Variants in GRID1 observed in about 807,000 individuals in gnomAD.
GRID1 encodes the protein glutamate ionotropic receptor delta type subunit 1, also known as glutamate receptor ionotropic, delta-1.
GRID1 carries 28 observed loss-of-function variants against 98.0 expected under a neutral mutation model. The ratio of observed to expected loss-of-function variants is 0.29; its 90% confidence interval spans 0.21 to 0.39. The LOEUF (loss-of-function observed/expected upper bound fraction) is 0.39. Among genes scored for constraint, GRID1 ranks in the 10% least tolerant of loss-of-function variants. GRID1 has a pLI of 1.00. For synonymous variants in GRID1, 553 were observed against 538.5 expected (o/e 1.03, Z -0.37); for missense variants, 1,111 against 1,340.5 (o/e 0.83, Z 2.67).
chr10:85,684,892 T>A (rs1379527790), intron 12 of GRID1, among the ~76,000 whole-genome samples: 1 of 152,188 alleles, frequency 6.6e-6, no homozygotes. Context: ...CTCTTTCTCT[T>A]CTTACAAGGC....
In GRID1 at chr10:85,973,822, T is replaced by C. The variant is rs1487934696; in HGVS notation, c.727-57583A>G. Among the ~76,000 whole-genome samples, 11 of 152,322 alleles carry C rather than the reference T, an allele frequency of 7.2e-5. No individual in the cohort carries two copies. In the East Asian group the frequency reaches 2.1e-3, roughly 29 times the overall value. The stretch of plus-strand genomic sequence containing the variant: ...TCATCTCTTATTTCTTTCAATGAAA[T>C]ATGGTAAAGAGCCAAAGAGCATGGG... On this transcript the variant is annotated intron_variant, in intron 4 of 15. Coordinates refer to ENST00000327946, the MANE Select transcript of GRID1 (RefSeq NM_017551.3).
At chr10:85,853,499 A>G (rs1438399046) in intron 8 of GRID1, among the ~76,000 whole-genome samples, 1 of 152,210 alleles carries the variant, frequency 6.6e-6, no homozygotes, top group African/African-American at 2.4e-5. Context: ...GCCTGAGTAC[A>G]TGCCAATCAG....
intron 2 of GRID1, among the ~76,000 whole-genome samples, chr10:86,354,623 ACAGATAATCAAT>A (rs1431709735): frequency 6.6e-6 from 1 of 152,218 alleles, no homozygotes; most frequent in Admixed American, 6.5e-5. Context: ...TCAAGACCAC[ACAGATAATCAAT>A]CAGATTTGGG....
At chr10:85,725,186 G>A (rs576135351) in intron 10 of GRID1, among the ~76,000 whole-genome samples, 2 of 152,276 alleles carry the variant, frequency 1.3e-5, no homozygotes, top group Admixed American at 1.3e-4. Flanking sequence ...GTTATATGGT[G>A]AGTTCTACAA....
intron 2 of GRID1, among the ~76,000 whole-genome samples, chr10:86,250,792 G>A (rs1391318721): frequency 6.6e-5 from 10 of 152,198 alleles, no homozygotes; most frequent in South Asian, 4.2e-4. Flanking sequence ...CCGCCACCCC[G>A]TCTGGGAGGT....
chr10:86,204,697 G>A (rs560748087), intron 3 of GRID1, among the ~76,000 whole-genome samples: 8 of 152,308 alleles, frequency 5.3e-5, no homozygotes, highest in Admixed American at 1.3e-4. Context: ...CATCAAGGTC[G>A]CCTCCCAGGC....
chr10:86,259,433 T>A (rs1332634072), intron 2 of GRID1, among the ~76,000 whole-genome samples: 1 of 152,240 alleles, frequency 6.6e-6, no homozygotes, highest in Non-Finnish European at 1.5e-5. Context: ...TACAGAAAGT[T>A]GAATGTCTCT....
At chr10:85,973,483 A>T (rs1317915127) in intron 4 of GRID1, among the ~76,000 whole-genome samples, 2 of 151,806 alleles carry the variant, frequency 1.3e-5, no homozygotes, top group African/African-American at 2.4e-5. Context: ...TGTATAAGGA[A>T]CTCTTTCAGA....
chr10:86,317,574 GGAA>G (rs1459354900), intron 2 of GRID1, among the ~76,000 whole-genome samples: 2 of 152,060 alleles, frequency 1.3e-5, no homozygotes, highest in East Asian at 1.9e-4. Context: ...TGGGATGGCA[GGAA>G]GAAGAAGAGG....
rs1042010794 is a variant in GRID1 at position 85,847,061 on chromosome 10, T to C, written c.1233+7435A>G. 4.3e-4 allele frequency among the ~76,000 whole-genome samples: 65 copies of C among 152,180 alleles called. 1 individual carries two copies. The highest frequency in any genetic ancestry group is 7.3e-5 in the Non-Finnish European group (5 of 68,036). Reference sequence around the variant, plus strand: ...TCTGAGAGAGAAATTCTGCCAATGTTACCTACGCATCTAGCAGGAAACCCT... The same window carrying C: ...TCTGAGAGAGAAATTCTGCCAATGTCACCTACGCATCTAGCAGGAAACCCT... On this transcript the variant is annotated intron_variant, in intron 8 of 15. Transcript: ENST00000327946.
At chr10:85,718,629 C>T (rs1359719429) in intron 12 of GRID1, among the ~76,000 whole-genome samples, 1 of 152,206 alleles carries the variant, frequency 6.6e-6, no homozygotes, top group Admixed American at 6.5e-5. Context: ...TCTGTGTTGG[C>T]CCCTTTCAGC....
chr10:85,780,598 C>T (rs1007229378), intron 8 of GRID1, among the ~76,000 whole-genome samples: 5 of 152,314 alleles, frequency 3.3e-5, no homozygotes, highest in South Asian at 2.1e-4. Context: ...CCGATGTTTT[C>T]GAAATGCCTG....
At chr10:85,860,741 C>T (rs758412815) in intron 6 of GRID1, among the ~76,000 whole-genome samples, 2 of 152,290 alleles carry the variant, frequency 1.3e-5, no homozygotes, top group African/African-American at 2.4e-5. Context: ...CACAGTAGTG[C>T]GTGGATACAG....
chr10:85,850,415 G>C (rs911532399), intron 8 of GRID1, among the ~76,000 whole-genome samples: 3 of 152,188 alleles, frequency 2.0e-5, no homozygotes, highest in African/African-American at 7.2e-5. Flanking sequence ...CTTATCAGAG[G>C]TGAAGTTCCA....
chr10:86,333,961 A>G (rs1164146475), intron 2 of GRID1, among the ~76,000 whole-genome samples: 1 of 152,174 alleles, frequency 6.6e-6, no homozygotes, highest in Admixed American at 6.5e-5. Flanking sequence ...AGCTGAATGA[A>G]TAAATGAATC....
At chr10:85,980,006 T>A (rs1842524696) in intron 4 of GRID1, among the ~76,000 whole-genome samples, 1 of 152,250 alleles carries the variant, frequency 6.6e-6, no homozygotes, top group South Asian at 2.1e-4. Flanking sequence ...AAGCAGTCAC[T>A]GCTTAGAAGC....
intron 4 of GRID1, among the ~76,000 whole-genome samples, chr10:85,928,942 G>T (rs75594923): frequency 1.1e-3 from 166 of 152,258 alleles, no homozygotes; most frequent in African/African-American, 3.7e-3. Context: ...ATGTGAAGAG[G>T]ACTCCAAACC....
At chr10:85,763,455 A>C (rs555512443) in intron 8 of GRID1, among the ~76,000 whole-genome samples, 7 of 152,138 alleles carry the variant, frequency 4.6e-5, no homozygotes, top group Non-Finnish European at 1.0e-4. Context: ...CTATCCCACT[A>C]CCTTCTGATT....
At chr10:86,140,330 C>A (rs1844993748) in intron 3 of GRID1, among the ~76,000 whole-genome samples, 1 of 152,258 alleles carries the variant, frequency 6.6e-6, no homozygotes, top group African/African-American at 2.4e-5. Context: ...CATGCAGTCA[C>A]CAAGAACAAA....
Sources: allele counts gnomAD v4.1 joint callset (sites outside exome capture counted in the v4.1 genomes callset), GRCh38; gene constraint gnomAD v4.1.1; transcripts MANE v1.5; gene names NCBI Gene and HGNC (gene_info 2026-07-23, HGNC 2026-07-21).